The following TRAPPC9 variants were observed in gnomAD, a reference collection of about 807,000 sequenced individuals.
TRAPPC9 encodes trafficking protein particle complex subunit 9.
Under a neutral mutation model 124.0 loss-of-function variants are expected in TRAPPC9, and 83 were observed. That is an observed-to-expected ratio of 0.67 (90% CI 0.56 to 0.80). TRAPPC9 has a LOEUF of 0.80. Ranked by LOEUF, TRAPPC9 falls within the 30% of genes least tolerant of loss-of-function variation. The probability of loss-of-function intolerance (pLI) is 0.00; values close to 1 mark genes in which losing one functional copy is unlikely to be tolerated. For missense variants in TRAPPC9, 1,302 were observed against 1,508.3 expected (o/e 0.86, Z 2.27); for synonymous variants, 638 against 617.5 (o/e 1.03, Z -0.49).
chr8:139,789,345 C>G (rs1211719862), intron 21 of TRAPPC9, among the ~76,000 whole-genome samples: 1 of 152,190 alleles, frequency 6.6e-6, no homozygotes, highest in Non-Finnish European at 1.5e-5. Context: ...ACTCCTCAGG[C>G]CTGCTGGGAG....
At chr8:140,025,605 A>G (rs1407056160) in intron 17 of TRAPPC9, among the ~76,000 whole-genome samples, 1 of 152,050 alleles carries the variant, frequency 6.6e-6, no homozygotes, top group East Asian at 1.9e-4. Flanking sequence ...AAAAAAGGAA[A>G]TCAAAGCTTC....
rs1345270821 is a variant in TRAPPC9 at position 140,063,525 on chromosome 8, G to C, written c.2557-39446C>G. On this transcript the variant is annotated intron_variant, in intron 17 of 22. Coordinates refer to ENST00000438773, the MANE Select transcript of TRAPPC9 (RefSeq NM_001160372.4). This position sits in a 1 kb window ranked among gnomAD's most constrained non-coding sequence, Gnocchi z 4.3. ...CCTTATCCAAGCCTATACCATAAGA[G>C]GCCCAGGAGAAATGTTTGTTGAATG... Among the ~76,000 whole-genome samples the C allele has an allele frequency of 6.6e-6, 1 of 152,110 alleles. No individual in the cohort carries two copies. Among genetic ancestry groups the C allele is most frequent in the African/African-American group, 2.4e-5 (1 of 41,412 alleles).
At chr8:139,813,697 C>A (rs1469792533) in intron 21 of TRAPPC9, among the ~76,000 whole-genome samples, 2 of 152,224 alleles carry the variant, frequency 1.3e-5, no homozygotes, top group South Asian at 4.1e-4. Context: ...GCAAGGCAGG[C>A]TTCCTGGGGT....
chr8:139,848,528 TAC>T (rs894698577), intron 21 of TRAPPC9, among the ~76,000 whole-genome samples: 13 of 151,530 alleles, frequency 8.6e-5, no homozygotes, highest in Admixed American at 1.3e-4. Flanking sequence ...TATATATATA[TAC>T]ACACACACAC....
At chr8:140,126,069 G>A (rs2061091610) in intron 17 of TRAPPC9, among the ~76,000 whole-genome samples, 1 of 152,106 alleles carries the variant, frequency 6.6e-6, no homozygotes, top group African/African-American at 2.4e-5. Context: ...ACAGCACCAA[G>A]CCTGTCAAAT....
intron 13 of TRAPPC9, among the ~76,000 whole-genome samples, chr8:140,286,590 C>G (rs938039866): frequency 6.6e-6 from 1 of 152,088 alleles, no homozygotes; most frequent in Non-Finnish European, 1.5e-5. Context: ...CTGTGACAGA[C>G]AGCGAGGGTC....
Position 140,244,954 on chromosome 8 carries a change from C to T in TRAPPC9, c.2431+7823G>A, listed in dbSNP as rs982155021. Among the ~76,000 whole-genome samples the T allele has an allele frequency of 6.6e-5, 10 of 151,590 alleles. No individual in the cohort carries two copies. In the East Asian group the frequency reaches 1.2e-3, roughly 18 times the overall value. ...CCCGAGTACCTGGGATTAAGGTGCACGCCACCACACCAAGCTAATTTTTGT... is the reference window on the plus strand; with the variant it reads ...CCCGAGTACCTGGGATTAAGGTGCATGCCACCACACCAAGCTAATTTTTGT... On this transcript the variant is annotated intron_variant, in intron 16 of 22. Coordinates refer to ENST00000438773, the MANE Select transcript of TRAPPC9 (RefSeq NM_001160372.4).
chr8:140,238,084 C>T (rs1234854982), intron 16 of TRAPPC9, among the ~76,000 whole-genome samples: 2 of 152,200 alleles, frequency 1.3e-5, no homozygotes, highest in Admixed American at 6.5e-5. Context: ...GAACACCTAG[C>T]TGACTTGTCT....
rs151124865 is a variant in TRAPPC9, at chr8:140,137,279, G to A, written c.2556+84180C>T. On this transcript the variant is annotated intron_variant, in intron 17 of 22. Transcript: ENST00000438773. ...GTCGGTGCTCCTCACTGGGCTGCCA[G>A]CGACTCCAAAGCAGAGACCACATGC... Among the ~76,000 whole-genome samples the A allele has an allele frequency of 3.1e-3, 468 of 152,308 alleles. 4 individuals carry two copies. The highest frequency in any genetic ancestry group is 0.011 in the African/African-American group (446 of 41,568).
At chr8:140,284,181 C>T (rs1453275482) in intron 13 of TRAPPC9, among the ~76,000 whole-genome samples, 160 bp from the exon 14 acceptor site, 1 of 152,188 alleles carries the variant, frequency 6.6e-6, no homozygotes, top group Non-Finnish European at 1.5e-5. Flanking sequence ...GCCCTCAACC[C>T]CACGACCCTC....
chr8:139,996,592 C>T (rs1401702385), intron 18 of TRAPPC9, among the ~76,000 whole-genome samples: 25 of 150,834 alleles, frequency 1.7e-4, no homozygotes, highest in East Asian at 1.9e-4. Flanking sequence ...CTAAAAATCA[C>T]GTCACAGGAG....
intron 17 of TRAPPC9, among the ~76,000 whole-genome samples, chr8:140,111,477 C>T (rs939641233): frequency 2.0e-5 from 3 of 152,186 alleles, no homozygotes; most frequent in Non-Finnish European, 4.4e-5. Context: ...GCACAGAGAA[C>T]AATGTACATC....
intron 19 of TRAPPC9, among the ~76,000 whole-genome samples, chr8:139,953,008 G>A (rs2035133): frequency 0.89 from 135,854 of 152,240 alleles, 60,763 homozygotes; most frequent in Middle Eastern, 0.99. Context: ...AGCCTGAGAC[G>A]CAGGCCAAAC....
chr8:139,975,283 G>A (rs942007003), intron 19 of TRAPPC9, among the ~76,000 whole-genome samples: 8 of 152,204 alleles, frequency 5.3e-5, no homozygotes, highest in African/African-American at 9.7e-5. Flanking sequence ...TCCGCATTTC[G>A]CTAGCACACA....
intron 17 of TRAPPC9, among the ~76,000 whole-genome samples, chr8:140,115,312 G>T (rs1237614681): frequency 6.6e-6 from 1 of 151,120 alleles, no homozygotes; most frequent in Non-Finnish European, 1.5e-5. Flanking sequence ...CTGTCGCCCA[G>T]GCTGGAGTGC....
intron 1 of TRAPPC9, among the ~76,000 whole-genome samples, chr8:140,455,141 C>T (rs2071607609): frequency 6.6e-6 from 1 of 152,032 alleles, no homozygotes; most frequent in South Asian, 2.1e-4. Context: ...AGTATTATTC[C>T]TCTTTTTCTG....
At chr8:140,284,075 C>T (rs573179246) in intron 13 of TRAPPC9, 54 bp from the exon 14 acceptor site, 3 of 1,610,902 alleles carry the variant, frequency 1.9e-6, no homozygotes, top group Non-Finnish European at 1.7e-6. Context: ...GGGTCTCACG[C>T]CCACGGCTGA....
At chr8:140,020,548 C>T (rs996709745) in intron 18 of TRAPPC9, among the ~76,000 whole-genome samples, 2 of 151,950 alleles carry the variant, frequency 1.3e-5, no homozygotes, top group South Asian at 2.1e-4. Context: ...ATCACTTGAG[C>T]CCAGGAGTTT....
intron 8 of TRAPPC9, among the ~76,000 whole-genome samples, chr8:140,367,051 A>G (rs1252096813): frequency 6.6e-6 from 1 of 152,198 alleles, no homozygotes. Context: ...AGAATGGCCA[A>G]AATCTAACAG....
Sources: allele counts gnomAD v4.1 joint callset (sites outside exome capture counted in the v4.1 genomes callset), GRCh38; gene constraint gnomAD v4.1.1; non-coding constraint Gnocchi (gnomAD v3.1); transcripts MANE v1.5; gene names NCBI Gene and HGNC (gene_info 2026-07-23, HGNC 2026-07-21).